Variants in DOK7 observed in about 807,000 individuals in gnomAD.
The protein encoded by DOK7 is protein Dok-7.
Under a neutral mutation model 30.7 loss-of-function variants are expected in DOK7, and 32 were observed. The observed-to-expected ratio is 1.04, with a 90% CI of 0.79 to 1.40. DOK7 has a LOEUF of 1.40. DOK7 is among the 40% of genes most tolerant of loss of function. The pLI is 0.00. For missense variants in DOK7, 1,007 were observed against 699.2 expected (o/e 1.44, Z -4.97); for synonymous variants, 447 against 324.1 (o/e 1.38, Z -4.07).
At position 3,463,459 on chromosome 4, in the gene DOK7, G is replaced by GGGGGGCGC. The variant is rs1553844286; in HGVS notation, c.54+33_54+34insGGCGCGGG. 1.4e-6 allele frequency: 2 copies of GGGGGGCGC among 1,424,414 alleles called. No individual in the cohort carries two copies. Among genetic ancestry groups the GGGGGGCGC allele is most frequent in the East Asian group, 5.9e-5 (2 of 33,922 alleles). The allele number at this position is 1,424,414 out of a possible 1,614,324, so 88.2% of individuals were successfully genotyped here. A position where few individuals can be genotyped will look rare whatever the true frequency, so the allele number is the denominator to read the frequency against. ...GGGCGCGTCGGGGGCGCGGGGGGGG[G>GGGGGGCGC]GGGCGCGGGCGCGGGCGGCGGCTCA... is the stretch of plus-strand genomic sequence containing the variant. On this transcript the variant is annotated intron_variant, in intron 1 of 6. Transcript: ENST00000340083.
intron 2 of DOK7, among the ~76,000 whole-genome samples, chr4:3,472,048 C>A (rs1726794258): frequency 6.6e-6 from 1 of 152,260 alleles, no homozygotes; most frequent in Non-Finnish European, 1.5e-5. Flanking sequence ...GGCCGCAGAG[C>A]CTGTGTGGCC....
intron 3 of DOK7, among the ~76,000 whole-genome samples, chr4:3,474,652 T>A (rs1445897163): frequency 6.6e-6 from 1 of 152,084 alleles, no homozygotes; most frequent in Admixed American, 6.5e-5. Flanking sequence ...CGAAGCCCCA[T>A]CTCTACTAAA....
At chr4:3,497,994 G>A (rs186953604), downstream of DOK7, among the ~76,000 whole-genome samples, 1 of 152,328 alleles carries the variant, frequency 6.6e-6, no homozygotes, top group African/African-American at 2.4e-5. Flanking sequence ...GGATCAAGGG[G>A]ACAGGCCCAG....
intron 5 of DOK7, among the ~76,000 whole-genome samples, chr4:3,486,699 C>T (rs28715887): frequency 0.22 from 20,914 of 95,078 alleles, 1,582 homozygotes; most frequent in African/African-American, 0.3. Context: ...AGTGGATGCA[C>T]CCCTGCAGGT....
intron 4 of DOK7, among the ~76,000 whole-genome samples, chr4:3,482,654 T>C (rs1388593737): frequency 6.6e-6 from 1 of 152,232 alleles, no homozygotes; most frequent in Non-Finnish European, 1.5e-5. Context: ...GTCACACCTG[T>C]GTGATATAGC....
At chr4:3,478,496 A>ACAGAACCTGCAAATGAG (rs1553846988) in intron 4 of DOK7, among the ~76,000 whole-genome samples, 1 of 139,902 alleles carries the variant, frequency 7.1e-6, no homozygotes, top group Non-Finnish European at 1.6e-5. Context: ...CCTGCAAACC[A>ACAGAACCTGCAAATGAG]GGCTGGCCCC....
intron 6 of DOK7, among the ~76,000 whole-genome samples, chr4:3,491,316 C>CTT (rs1560229177): frequency 2.3e-4 from 28 of 124,352 alleles, no homozygotes; most frequent in African/African-American, 7.9e-4. Flanking sequence ...CCTGCCTTCT[C>CTT]CCCCTGCTCA....
chr4:3,478,157 C>G (rs1046160876), intron 4 of DOK7, among the ~76,000 whole-genome samples: 1 of 152,174 alleles, frequency 6.6e-6, no homozygotes, highest in East Asian at 1.9e-4. Flanking sequence ...GGCAGCCGGC[C>G]GGGGTGGCGC....
chr4:3,496,328 A>AC (rs34596974), downstream of DOK7, among the ~76,000 whole-genome samples: 1 of 151,808 alleles, frequency 6.6e-6, no homozygotes, highest in East Asian at 1.9e-4. Flanking sequence ...TTCCAGGGGC[A>AC]CCCCCCTGCG....
chr4:3,483,725 C>G (rs1007151623), intron 4 of DOK7, among the ~76,000 whole-genome samples: 4 of 152,230 alleles, frequency 2.6e-5, no homozygotes, highest in South Asian at 2.1e-4. Flanking sequence ...ATTAGAGAGC[C>G]TGGCCTTTCG....
At position 3,493,114 on chromosome 4, in the gene DOK7, A is replaced by G. The variant is rs770455027; in HGVS notation, c.1128A>G (p.Pro376=). 1.3e-6 allele frequency: 2 copies of G among 1,588,686 alleles called. No homozygotes were observed. Among genetic ancestry groups the G allele is most frequent in the South Asian group, 2.3e-5 (2 of 88,312 alleles). The change falls in exon 7 of 7, where the codon CCA becomes CCG. Residue 376 remains proline, a synonymous_variant. Coordinates refer to ENST00000340083, the MANE Select transcript of DOK7 (RefSeq NM_173660.5). ...AACTGGGCTCACTGCTCAGCCTGCCAGCAGCGGGGGCCCCCGAGCCCAGCC... is the reference window on the plus strand; with the variant it reads ...AACTGGGCTCACTGCTCAGCCTGCCGGCAGCGGGGGCCCCCGAGCCCAGCC... The part of the protein sequence containing the change: ...TDELGSLLSL[P]AAGAPEPSLC...
chr4:3,473,388 C>T lies in DOK7; in HGVS notation c.101-18C>T, dbSNP rs767208320. On this transcript the variant is annotated intron_variant, in intron 2 of 6. Coordinates refer to ENST00000340083, the MANE Select transcript of DOK7 (RefSeq NM_173660.5). The stretch of plus-strand genomic sequence containing the variant: ...AGGCGGTGTTGGCTGGCGTCCCTGA[C>T]GGCCACGCTCCTTGCAGACTGCCTG... The T allele has an allele frequency of 8.7e-6, 14 of 1,609,650 alleles. No homozygotes were observed. The highest frequency in any genetic ancestry group is 4.5e-5 in the East Asian group (2 of 44,864).
Position 3,493,653 on chromosome 4 carries a change from G to A in DOK7, c.*152G>A. 6.9e-7 allele frequency: 1 copy of A among 1,459,128 alleles called. No homozygotes were observed. The highest frequency in any genetic ancestry group is 9.1e-7 in the Non-Finnish European group (1 of 1,104,542). The allele number at this position is 1,459,128 out of a possible 1,614,324, so 90.4% of individuals were successfully genotyped here. On this transcript the variant is annotated 3_prime_UTR_variant, in exon 7 of 7. Coordinates refer to ENST00000340083, the MANE Select transcript of DOK7 (RefSeq NM_173660.5). ...AGAGGGGAGCTGGAGGGCGCGCCCT[G>A]TGGCTGCCACCGGAGGAAGGGGCTG...
intron 4 of DOK7, among the ~76,000 whole-genome samples, chr4:3,478,626 C>T (rs1461587093): frequency 2.3e-5 from 2 of 88,170 alleles, no homozygotes; most frequent in African/African-American, 5.6e-5. Context: ...CTTTGCAGCT[C>T]AGTGCTGAAT....
At position 3,463,386 on chromosome 4, in the gene DOK7, C is replaced by G; in HGVS notation, c.11C>G (p.Ala4Gly). 4.3e-6 allele frequency: 6 copies of G among 1,385,316 alleles called. No homozygotes were observed. Among genetic ancestry groups the G allele is most frequent in the Non-Finnish European group, 5.6e-6 (6 of 1,072,376 alleles). 85.8% of individuals were successfully genotyped at this position (1,385,316 alleles called of 1,614,324 possible). A position where few individuals can be genotyped will look rare whatever the true frequency, so the allele number is the denominator to read the frequency against. The change falls in exon 1 of 7, where the codon GCG becomes GGG. Residue 4 changes from alanine to glycine, a missense_variant. Coordinates refer to ENST00000340083, the MANE Select transcript of DOK7 (RefSeq NM_173660.5). ...GAACCATGACAGAAGATGACCGAGGCGGCGCTGGTGGAGGGCCAGGTCAAG... is the reference window on the plus strand; with the variant it reads ...GAACCATGACAGAAGATGACCGAGGGGGCGCTGGTGGAGGGCCAGGTCAAG... MTE[A>G]ALVEGQVKLR...
downstream of DOK7, chr4:3,496,685 G>A: frequency 1.1e-6 from 1 of 902,396 alleles, no homozygotes; most frequent in Non-Finnish European, 1.6e-6. Flanking sequence ...TGGCGGGCTG[G>A]ACTCCCTGCA....
rs77309968 is a variant in DOK7 at position 3,481,141 on chromosome 4, G to A, written c.533-4398G>A. Among the ~76,000 whole-genome samples, 241 of 152,118 alleles carry A rather than the reference G, an allele frequency of 1.6e-3. 6 individuals carry two copies. In the East Asian group the frequency reaches 0.038, roughly 24 times the overall value. ...GAGGAGGAGGAGGAGACAGGGCTGG[G>A]TTGTAGAGAGCTGGCTAATTGGACC... On this transcript the variant is annotated intron_variant, in intron 4 of 6. Coordinates refer to ENST00000340083, the MANE Select transcript of DOK7 (RefSeq NM_173660.5).
chr4:3,490,733 C>A (rs531553149), intron 6 of DOK7, among the ~76,000 whole-genome samples: 4 of 102,296 alleles, frequency 3.9e-5, no homozygotes, highest in African/African-American at 1.2e-4. Flanking sequence ...CCCACTCATT[C>A]CTTCCTTCCT....
intron 2 of DOK7, among the ~76,000 whole-genome samples, chr4:3,468,769 C>G (rs1334613369): frequency 1.7e-5 from 2 of 115,458 alleles, no homozygotes; most frequent in Non-Finnish European, 3.4e-5. Context: ...TGTGTGTGTG[C>G]ATGTATGTGT....
Sources: allele counts gnomAD v4.1 joint callset (sites outside exome capture counted in the v4.1 genomes callset), GRCh38; gene constraint gnomAD v4.1.1; transcripts MANE v1.5; gene names NCBI Gene and HGNC (gene_info 2026-07-23, HGNC 2026-07-21).